TEX9: variants seen among roughly 807,000 people sequenced by gnomAD.
TEX9 encodes testis expressed 9.
In TEX9, 74 loss-of-function variants were observed where a neutral mutation model predicts 59.6. The observed-to-expected ratio is 1.24, with a 90% CI of 1.03 to 1.51. The LOEUF is 1.51. TEX9 is among the 40% of genes most tolerant of loss of function. TEX9 has a pLI of 0.00. For synonymous variants in TEX9, 186 were observed against 152.2 expected (o/e 1.22, Z -1.64); for missense variants, 522 against 447.8 (o/e 1.17, Z -1.49).
At chr15:56,440,393 G>A (rs2050798014) in intron 12 of TEX9, among the ~76,000 whole-genome samples, 1 of 152,160 alleles carries the variant, frequency 6.6e-6, no homozygotes, top group African/African-American at 2.4e-5. Context: ...CAGCTGTTCT[G>A]GAAATCACTT....
chr15:56,370,407 TC>T (rs2142000870), intron 2 of TEX9, among the ~76,000 whole-genome samples: 1 of 152,324 alleles, frequency 6.6e-6, no homozygotes, highest in South Asian at 2.1e-4. Context: ...ATTTCCTCCT[TC>T]CTGAAGTGTA....
intron 1 of TEX9, among the ~76,000 whole-genome samples, chr15:56,253,186 A>C (rs2044068934): frequency 6.6e-6 from 1 of 152,204 alleles, no homozygotes; most frequent in Non-Finnish European, 1.5e-5. Context: ...CCTTGATCAG[A>C]GCACAGAAGG....
upstream of TEX9, among the ~76,000 whole-genome samples, chr15:56,361,841 G>A (rs1477318704): frequency 6.6e-6 from 1 of 152,130 alleles, no homozygotes; most frequent in African/African-American, 2.4e-5. Context: ...GCCAAGAAGT[G>A]ACAGCCACCA....
intron 9 of TEX9, among the ~76,000 whole-genome samples, chr15:56,402,931 A>G (rs184908321): frequency 1.3e-5 from 2 of 152,362 alleles, no homozygotes; most frequent in Admixed American, 6.5e-5. Flanking sequence ...ACAAAATTCA[A>G]CAGCCTTACA....
chr15:56,434,903 A>G lies in TEX9; in HGVS notation c.*29+6430A>G, dbSNP rs920017398. Among the ~76,000 whole-genome samples the G allele has an allele frequency of 3.3e-5, 5 of 152,138 alleles. 1 individual carries two copies. The East Asian group carries it at 5.8e-4, about 18-fold the overall frequency. ...AAAATTTAAAAACAATTATCTAGCAATGACAATCAGTACTTCTTTAGGGAA... is the reference window on the plus strand; with the variant it reads ...AAAATTTAAAAACAATTATCTAGCAGTGACAATCAGTACTTCTTTAGGGAA... On this transcript the variant is annotated intron_variant, in intron 12 of 12. Transcript: ENST00000352903.
At chr15:56,252,882 G>A (rs1044867896) in intron 1 of TEX9, among the ~76,000 whole-genome samples, 2 of 152,070 alleles carry the variant, frequency 1.3e-5, no homozygotes, top group Non-Finnish European at 2.9e-5. Context: ...CCTTCACTCA[G>A]TTGTACTGAT....
At chr15:56,291,987 A>T (rs1464876501) in intron 1 of TEX9, among the ~76,000 whole-genome samples, 1 of 152,246 alleles carries the variant, frequency 6.6e-6, no homozygotes, top group Non-Finnish European at 1.5e-5. Flanking sequence ...ATGTGGTGAC[A>T]TGGCTTCAGG....
intron 6 of TEX9, 135 bp from the exon 7 acceptor site, chr15:56,391,108 G>T: frequency 2.2e-6 from 1 of 458,288 alleles, no homozygotes; most frequent in Non-Finnish European, 3.6e-6. Flanking sequence ...ATCAATTACA[G>T]ATTTCATCAT....
At chr15:56,446,727 T>G (rs1240518742), downstream of TEX9, 1 of 712,380 alleles carries the variant, frequency 1.4e-6, no homozygotes, top group African/African-American at 1.8e-5. Context: ...TTACAAATAT[T>G]TAAGAAATCT....
intron 9 of TEX9, among the ~76,000 whole-genome samples, chr15:56,408,074 C>T (rs2140106623): frequency 6.6e-6 from 1 of 152,298 alleles, no homozygotes; most frequent in East Asian, 1.9e-4. Flanking sequence ...TATTTTAAAA[C>T]TTCTTTAGAT....
chr15:56,439,505 G>A (rs2050783426), intron 12 of TEX9, among the ~76,000 whole-genome samples: 1 of 152,074 alleles, frequency 6.6e-6, no homozygotes, highest in African/African-American at 2.4e-5. Flanking sequence ...TGTAGTATTG[G>A]TGGAGGGATG....
At chr15:56,409,651 C>G (rs1224075866) in intron 9 of TEX9, 2 of 150,236 alleles carry the variant, frequency 1.3e-5, no homozygotes, top group Admixed American at 6.7e-5. Context: ...CATACATATG[C>G]CACAATGTCC....
At chr15:56,265,944 C>T (rs1338587430) in intron 1 of TEX9, among the ~76,000 whole-genome samples, 2 of 152,074 alleles carry the variant, frequency 1.3e-5, no homozygotes, top group Non-Finnish European at 2.9e-5. Context: ...ATTCAAAAGA[C>T]CTTTTGATAT....
intron 2 of TEX9, among the ~76,000 whole-genome samples, chr15:56,372,439 A>C (rs2047234276): frequency 6.6e-6 from 1 of 152,208 alleles, no homozygotes; most frequent in African/African-American, 2.4e-5. Flanking sequence ...AAACCTCAGA[A>C]GATCCTAGGT....
intron 1 of TEX9, among the ~76,000 whole-genome samples, chr15:56,251,087 C>T (rs1288510166): frequency 6.6e-6 from 1 of 152,136 alleles, no homozygotes; most frequent in Non-Finnish European, 1.5e-5. Context: ...CAACCTGTCT[C>T]CTTTCCAAGA....
chr15:56,400,529 G>A (rs2048717255), intron 9 of TEX9, among the ~76,000 whole-genome samples: 4 of 152,296 alleles, frequency 2.6e-5, no homozygotes, highest in African/African-American at 9.6e-5. Flanking sequence ...TGAAAGTGAT[G>A]GGGAGAATGG....
At chr15:56,443,863 C>T in intron 12 of TEX9, 1 of 1,577,296 alleles carries the variant, frequency 6.3e-7, no homozygotes, top group South Asian at 1.2e-5. Flanking sequence ...CCCTGAAAAG[C>T]AATAACAAGT....
chr15:56,323,721 GAAGAGGAGGAGGAGGAGA>G (rs2045954077), intron 1 of TEX9: 1 of 23,414 alleles, frequency 4.3e-5, no homozygotes, highest in Non-Finnish European at 1.5e-4. Context: ...GGAGAAGGAG[GAAGAGGAGGAGGAGGAGA>G]AGGAGGAGAA....
chr15:56,263,474 T>C (rs2044313132), intron 1 of TEX9, among the ~76,000 whole-genome samples: 1 of 152,226 alleles, frequency 6.6e-6, no homozygotes, highest in Non-Finnish European at 1.5e-5. Flanking sequence ...CTGTTCTTTT[T>C]CCTTTCCTAA....
Sources: allele counts gnomAD v4.1 joint callset (sites outside exome capture counted in the v4.1 genomes callset), GRCh38; gene constraint gnomAD v4.1.1; transcripts MANE v1.5; gene names NCBI Gene and HGNC (gene_info 2026-07-23, HGNC 2026-07-21).